PKD1L3: variants seen among roughly 807,000 people sequenced by gnomAD.
PKD1L3 encodes the protein polycystin 1 like 3, transient receptor potential channel interacting.
Under a neutral mutation model 184.1 loss-of-function variants are expected in PKD1L3, and 239 were observed. That is an observed-to-expected ratio of 1.30 (90% CI 1.17 to 1.45). The LOEUF (loss-of-function observed/expected upper bound fraction) is 1.45. Ranked by LOEUF, PKD1L3 falls within the 40% of genes most tolerant of loss-of-function variation. The pLI, the probability that PKD1L3 is intolerant of heterozygous loss-of-function variation, is 0.00. For synonymous variants in PKD1L3, 996 were observed against 778.8 expected, an observed-to-expected ratio of 1.28 and a Z score of -4.64; for missense variants, 2,660 against 2,067.2, an observed-to-expected ratio of 1.29 and a Z score of -5.56.
At chr16:71,955,309 A>G (rs1324122453) in intron 16 of PKD1L3, among the ~76,000 whole-genome samples, 2 of 151,698 alleles carry the variant, frequency 1.3e-5, no homozygotes, top group Non-Finnish European at 2.9e-5. Context: ...GAGGAGTGGG[A>G]GGGAGAGGGA....
Position 71,933,430 on chromosome 16 carries a change from T to A in PKD1L3, c.4916A>T (p.His1639Leu). 1 of 1,541,902 alleles carries A rather than the reference T, an allele frequency of 6.5e-7. No homozygotes were observed. Among genetic ancestry groups the A allele is most frequent in the South Asian group, 1.2e-5 (1 of 83,870 alleles). The change falls in exon 28 of 30, where the codon CAC (histidine) becomes CTC (leucine). Residue 1639 changes from histidine to leucine, a missense_variant. Coordinates refer to ENST00000620267, the MANE Select transcript of PKD1L3 (RefSeq NM_181536.2). ...AATTATTATTTTTACCTCCTCTTGG[T>A]GAGAAATTCCCATCAGGAGACCAAC... ...TVVGLLMGISHQEEVFALDPV... is the reference protein window; with the variant it reads ...TVVGLLMGISLQEEVFALDPV...
chr16:71,939,391 A>G (rs2038286739), intron 24 of PKD1L3, among the ~76,000 whole-genome samples: 1 of 152,238 alleles, frequency 6.6e-6, no homozygotes. Context: ...GCTGCAAGCA[A>G]TACTCAGGCA....
chr16:71,980,102 C>G lies in PKD1L3; in HGVS notation c.1176G>C (p.Glu392Asp), dbSNP rs2040091760. Residue 392 changes from glutamate to aspartate, a missense_variant, in exon 8 of 30, where the codon GAG (glutamate) becomes GAC (aspartate). Transcript: ENST00000620267. Reference sequence around the variant, plus strand: ...GAAATGCTTCCCCGATATTCCCAAACTCCACCAAGGACATTTCCAGGATGT... The same window carrying G: ...GAAATGCTTCCCCGATATTCCCAAAGTCCACCAAGGACATTTCCAGGATGT... ...VEDILEMSLVEFGNIGEAFLE... is the reference protein window; with the variant it reads ...VEDILEMSLVDFGNIGEAFLE... 1 of 1,551,600 alleles carries G rather than the reference C, an allele frequency of 6.4e-7. No individual in the cohort carries two copies. Among genetic ancestry groups the G allele is most frequent in the African/African-American group, 1.4e-5 (1 of 73,046 alleles).
At chr16:71,965,442 A>C (rs893647137) in intron 15 of PKD1L3, among the ~76,000 whole-genome samples, 13 of 152,030 alleles carry the variant, frequency 8.6e-5, no homozygotes, top group Non-Finnish European at 1.8e-4. Flanking sequence ...GTTTAACTTC[A>C]CAAGAAACTG....
At chr16:71,950,497 T>C (rs1055382976) in intron 19 of PKD1L3, among the ~76,000 whole-genome samples, 187 bp from the exon 20 acceptor site, 1 of 152,186 alleles carries the variant, frequency 6.6e-6, no homozygotes, top group Non-Finnish European at 1.5e-5. Context: ...TTTTAACAAT[T>C]GTAAAATTCT....
chr16:71,979,661 A>G, intron 9 of PKD1L3, 125 bp downstream of exon 9: 2 of 1,177,094 alleles, frequency 1.7e-6, no homozygotes, highest in East Asian at 2.9e-5. Context: ...AATGAATGCT[A>G]CATAAACTCT....
rs1156918334 is a variant in PKD1L3, at chr16:71,963,348, A to G, written c.2469T>C (p.Tyr823=). 3 of 1,548,382 alleles carry G rather than the reference A, an allele frequency of 1.9e-6. No individual in the cohort carries two copies. The highest frequency in any genetic ancestry group is 1.4e-5 in the African/African-American group (1 of 73,076). Residue 823 remains tyrosine (Y), a synonymous_variant, in exon 16 of 30, where the codon TAT becomes TAC. Coordinates refer to ENST00000620267, the MANE Select transcript of PKD1L3 (RefSeq NM_181536.2). The stretch of plus-strand genomic sequence containing the variant: ...TGTCACAGACAATTACCTGGCTGAC[A>G]TACCTATAGTAAAATGAAGATAACC... The part of the protein sequence containing the change: ...HDNSGVSPSW[Y]VSQVIVCDMA...
intron 5 of PKD1L3, among the ~76,000 whole-genome samples, 158 bp from the exon 6 acceptor site, chr16:71,984,325 C>A (rs749247889): frequency 4.6e-5 from 7 of 152,100 alleles, no homozygotes; most frequent in Non-Finnish European, 1.0e-4. Context: ...AGCTTTTCTG[C>A]GAGTGGACAG....
At chr16:71,931,855 A>G (rs2037984574) in intron 28 of PKD1L3, among the ~76,000 whole-genome samples, 1 of 152,144 alleles carries the variant, frequency 6.6e-6, no homozygotes, top group Non-Finnish European at 1.5e-5. Context: ...TACCTCTAGT[A>G]CTTTATAGTG....
intron 22 of PKD1L3, among the ~76,000 whole-genome samples, chr16:71,945,394 ATATATTTATT>A (rs112082521): frequency 0.35 from 34,079 of 98,578 alleles, 4,563 homozygotes; most frequent in Middle Eastern, 0.42. Context: ...ATATATATAT[ATATATTTATT>A]TATTTATTTA....
chr16:71,944,100 A>C lies in PKD1L3; in HGVS notation c.3789T>G (p.Asn1263Lys), dbSNP rs1335081645. ...TTCTTTCTGGGTGCTTAGTTGGACT[A>C]TTTATAGCTGGGGCTACATAGACGG... ...NNPVYVAPAINSPTKHPERTL... is the reference protein window; with the variant it reads ...NNPVYVAPAIKSPTKHPERTL... The change falls in exon 23 of 30, where the codon AAT becomes AAG. Residue 1263 changes from asparagine (N) to lysine (K), a missense_variant. Transcript: ENST00000620267. 9.0e-6 allele frequency: 14 copies of C among 1,551,740 alleles called. No individual in the cohort carries two copies. The highest frequency in any genetic ancestry group is 1.1e-5 in the Non-Finnish European group (13 of 1,146,762).
Position 71,967,918 on chromosome 16 carries a change from A to G in PKD1L3, c.2274T>C (p.Ala758=), listed in dbSNP as rs1258104748. The G allele has an allele frequency of 6.5e-7, 1 of 1,550,344 alleles. No homozygotes were observed. Among genetic ancestry groups the G allele is most frequent in the Non-Finnish European group, 8.7e-7 (1 of 1,145,892 alleles). ...QVYTGYRRSA[A]TTAKVVITLY... ...TTATTTCATTAACCTTAGCTGTTGTAGCAGCGCTTCTTCGATATCCGGTGT... is the reference window on the plus strand; with the variant it reads ...TTATTTCATTAACCTTAGCTGTTGTGGCAGCGCTTCTTCGATATCCGGTGT... Residue 758 remains alanine, a synonymous_variant, in exon 14 of 30, where the codon GCT becomes GCC. Coordinates refer to ENST00000620267, the MANE Select transcript of PKD1L3 (RefSeq NM_181536.2).
At chr16:71,975,295 T>C (rs868136344) in intron 11 of PKD1L3, among the ~76,000 whole-genome samples, 1 of 151,574 alleles carries the variant, frequency 6.6e-6, no homozygotes, top group South Asian at 2.1e-4. Context: ...TGGGCTTAAG[T>C]GATCCTCCTG....
chr16:71,991,364 A>G (rs2040583649), intron 3 of PKD1L3: 1 of 190,588 alleles, frequency 5.2e-6, no homozygotes, highest in Non-Finnish European at 1.2e-5. Context: ...GAGGTAACCA[A>G]ACAAAATCCT....
At position 71,935,434 on chromosome 16, in the gene PKD1L3, T is replaced by G; in HGVS notation, c.4537A>C (p.Ile1513Leu). 1 of 1,552,084 alleles carries G rather than the reference T, an allele frequency of 6.4e-7. No homozygotes were observed. Among genetic ancestry groups the G allele is most frequent in the Non-Finnish European group, 8.7e-7 (1 of 1,147,040 alleles). ...CTCTTCATGTCAAGCCCCAGGAGGA[T>G]GAAGCTAATGAGGATTATACTTGTG... ...LDTSIILISF[I>L]LLGLDMKSIS... The change falls in exon 26 of 30, where the codon ATC becomes CTC. Residue 1513 changes from isoleucine to leucine, a missense_variant. Transcript: ENST00000620267.
chr16:71,986,573 A>AT, intron 4 of PKD1L3, 104 bp from the exon 5 acceptor site: 6 of 1,244,410 alleles, frequency 4.8e-6, no homozygotes, highest in Non-Finnish European at 6.5e-6. Context: ...CCTATGAGAT[A>AT]CTAATAGGCA....
At chr16:71,983,390 G>A (rs1322610112) in intron 6 of PKD1L3, among the ~76,000 whole-genome samples, 2 of 151,898 alleles carry the variant, frequency 1.3e-5, no homozygotes, top group Non-Finnish European at 2.9e-5. Flanking sequence ...CAAGCTATCC[G>A]CCTGATTCAG....
rs112196991 is a variant in PKD1L3, at chr16:71,987,218, C to T, written c.586-749G>A. ...GATTACAGGCGTGAGCCACTGCACC[C>T]GGCTGAGGAGAGGATTTCTTGAGAC... On this transcript the variant is annotated intron_variant, in intron 4 of 29. Transcript: ENST00000620267. 5.0e-4 allele frequency among the ~76,000 whole-genome samples: 76 copies of T among 151,214 alleles called. 1 individual carries two copies. The highest frequency in any genetic ancestry group is 1.4e-3 in the African/African-American group (58 of 41,160).
At chr16:71,929,936 A>C in intron 29 of PKD1L3, 116 bp downstream of exon 29, 1 of 1,261,638 alleles carries the variant, frequency 7.9e-7, no homozygotes, top group South Asian at 1.7e-5. Context: ...TGAAACTAAT[A>C]AAGGGAATAT....
Sources: gnomAD v4.1 joint callset for allele counts (sites outside exome capture counted in the v4.1 genomes callset) on GRCh38, gnomAD v4.1.1 for gene constraint, MANE v1.5 for transcripts, NCBI Gene and HGNC (gene_info 2026-07-23, HGNC 2026-07-21) for gene names.